ANHX: variants seen among roughly 807,000 people sequenced by gnomAD.
ANHX encodes anomalous homeobox.
ANHX carries 20 observed loss-of-function variants against 38.9 expected under a neutral mutation model. The observed-to-expected ratio is 0.51, with a 90% CI of 0.36 to 0.75. ANHX has a LOEUF of 0.75. Among genes scored for constraint, ANHX ranks in the 30% least tolerant of loss-of-function variants. The pLI is 0.00. For missense variants in ANHX, 475 were observed against 493.1 expected, an observed-to-expected ratio of 0.96 and a Z score of 0.35; for synonymous variants, 185 against 203.1, an observed-to-expected ratio of 0.91 and a Z score of 0.76.
intron 2 of ANHX, 136 bp downstream of exon 2, chr12:133,233,972 C>T (rs970911592): frequency 7.6e-6 from 9 of 1,179,836 alleles, no homozygotes; most frequent in Middle Eastern, 2.9e-4. Flanking sequence ...CAGGTTTTTC[C>T]AAGGCCTGGG....
Position 133,218,577 on chromosome 12 carries a change from A to C in ANHX, c.*308T>G. 4.5e-6 allele frequency: 1 copy of C among 222,296 alleles called. No individual in the cohort carries two copies. 13.8% of individuals were successfully genotyped at this position (222,296 alleles called of 1,614,324 possible). A position where few individuals can be genotyped will look rare whatever the true frequency, so the allele number is the denominator to read the frequency against. ...CCAGCAGCAGAACACTCCCCTCTCT[A>C]GAATGGCCTTCTCTGCACGAGTGCC... is the stretch of plus-strand genomic sequence containing the variant. On this transcript the variant is annotated 3_prime_UTR_variant, in exon 10 of 10. Transcript: ENST00000545940.
Position 133,221,399 on chromosome 12 carries a change from G to C in ANHX, c.1133-47C>G. On this transcript the variant is annotated intron_variant, in intron 7 of 9. Coordinates refer to ENST00000545940, the MANE Select transcript of ANHX (RefSeq NM_001372060.1). This position sits in a 1 kb window ranked among gnomAD's most constrained non-coding sequence, Gnocchi z 4.1. ...GGCACACTGGCAGGAGAAAGGAGCA[G>C]AGCCCACGTGTGACACAACCAAGAC... 7 of 1,503,300 alleles carry C rather than the reference G, an allele frequency of 4.7e-6. No homozygotes were observed. Among genetic ancestry groups the C allele is most frequent in the Non-Finnish European group, 6.2e-6 (7 of 1,128,984 alleles). The allele number at this position is 1,503,300 out of a possible 1,614,324, so 93.1% of individuals were successfully genotyped here.
chr12:133,228,846 C>A (rs187482601), intron 3 of ANHX, among the ~76,000 whole-genome samples: 1 of 152,338 alleles, frequency 6.6e-6, no homozygotes, highest in East Asian at 1.9e-4. Context: ...TCCCATGAGT[C>A]TGCTCCAGTT....
chr12:133,219,324 CAG>C lies in ANHX; in HGVS notation c.1322_1323del (p.Pro441ArgfsTer19). The C allele has an allele frequency of 6.5e-7, 1 of 1,535,344 alleles. No homozygotes were observed. The highest frequency in any genetic ancestry group is 1.2e-5 in the South Asian group (1 of 83,992). On this transcript the variant is annotated frameshift_variant, in exon 9 of 10. Coordinates refer to ENST00000545940, the MANE Select transcript of ANHX (RefSeq NM_001372060.1). LOFTEE classifies it low-confidence loss of function (END_TRUNC). Reference sequence around the variant, plus strand: ...GCCTGGCTCAGCTCCATGGCAGACACAGGGCCGGGGAAGGCAGATGGGGCTGG... The same window carrying C: ...GCCTGGCTCAGCTCCATGGCAGACACGGCCGGGGAAGGCAGATGGGGCTGG... ...LAPAPSAFPGPVSAMELSQAL... is the reference protein window; with the variant it reads ...LAPAPSAFPGXVSAMELSQAL...
chr12:133,225,096 A>G (rs1957172002), intron 7 of ANHX, among the ~76,000 whole-genome samples: 2 of 152,182 alleles, frequency 1.3e-5, no homozygotes, highest in South Asian at 2.1e-4. Context: ...ATCTAAATAC[A>G]TACTCTTTAA....
chr12:133,220,941 G>A (rs910698720), intron 8 of ANHX, among the ~76,000 whole-genome samples: 2 of 152,230 alleles, frequency 1.3e-5, no homozygotes, highest in Admixed American at 6.5e-5. Flanking sequence ...CTGGGGTCCA[G>A]GGTGATTTGG....
intron 3 of ANHX, 117 bp downstream of exon 3, chr12:133,231,400 A>C: frequency 7.2e-7 from 1 of 1,398,440 alleles, no homozygotes; most frequent in Non-Finnish European, 9.6e-7. Flanking sequence ...TCCGGCGGAC[A>C]TTTCCTGTCC....
intron 6 of ANHX, among the ~76,000 whole-genome samples, chr12:133,226,050 C>G (rs947572022): frequency 7.9e-5 from 12 of 152,188 alleles, no homozygotes; most frequent in Admixed American, 6.5e-4. Flanking sequence ...GTGTTTCCTT[C>G]TAAGTCTGTT....
Position 133,226,996 on chromosome 12 carries a change from G to C in ANHX, c.658C>G (p.Leu220Val). 6.5e-7 allele frequency: 1 copy of C among 1,535,002 alleles called. No individual in the cohort carries two copies. The change falls in exon 5 of 10, where the codon CTG (leucine) becomes GTG (valine). Residue 220 changes from leucine (L) to valine (V), a missense_variant. Leu to Val is a conservative substitution (Grantham distance 32). Transcript: ENST00000545940. ...ACACGGGGGTTGCCTGAGGGCTGCA[G>C]GAGGTCAGGACCCCTCTCCCTCGCA... is the stretch of plus-strand genomic sequence containing the variant. The part of the protein sequence containing the change: ...PGARERGPDL[L>V]QPSGNPRVDS...
At chr12:133,224,961 T>C (rs2135557504) in intron 7 of ANHX, among the ~76,000 whole-genome samples, 1 of 96,298 alleles carries the variant, frequency 1.0e-5, no homozygotes, top group African/African-American at 4.1e-5. Flanking sequence ...AGACTCCGTC[T>C]CAAAAAAAAA....
At chr12:133,234,842 C>G (rs1957341100) in intron 1 of ANHX, 1 of 163,028 alleles carries the variant, frequency 6.1e-6, no homozygotes, top group Non-Finnish European at 1.4e-5. Context: ...ACAGGAGGAA[C>G]CTTTACTTGT....
intron 1 of ANHX, chr12:133,235,238 G>C (rs1339915640): frequency 6.6e-6 from 1 of 152,254 alleles, no homozygotes; most frequent in Non-Finnish European, 1.5e-5. Context: ...GCCTGCAGGG[G>C]CCTTGGAGGA....
At position 133,227,096 on chromosome 12, in the gene ANHX, G is replaced by A. The variant is rs952112164; in HGVS notation, c.558C>T (p.Ala186=). The change falls in exon 5 of 10, where the codon GCC becomes GCT. Residue 186 remains alanine, a synonymous_variant. Coordinates refer to ENST00000545940, the MANE Select transcript of ANHX (RefSeq NM_001372060.1). The part of the protein sequence containing the change: ...LTPEQVYNWF[A]NYRRRQRALP... Reference sequence around the variant, plus strand: ...GGGCTCTTTGGCGGCGCCGGTAATTGGCAAACCAGTTGTACACCTGCTCAG... The same window carrying A: ...GGGCTCTTTGGCGGCGCCGGTAATTAGCAAACCAGTTGTACACCTGCTCAG... The A allele has an allele frequency of 6.5e-7, 1 of 1,536,090 alleles. No individual in the cohort carries two copies. Among genetic ancestry groups the A allele is most frequent in the Non-Finnish European group, 8.7e-7 (1 of 1,146,866 alleles).
Position 133,218,532 on chromosome 12 carries a change from A to G in ANHX, c.*353T>C, listed in dbSNP as rs1005645503. The G allele has an allele frequency of 1.1e-5, 2 of 177,946 alleles. No individual in the cohort carries two copies. The highest frequency in any genetic ancestry group is 2.3e-5 in the Non-Finnish European group (2 of 85,304). The allele number at this position is 177,946 out of a possible 1,614,324, so 11.0% of individuals were successfully genotyped here. A position where few individuals can be genotyped will look rare whatever the true frequency, so the allele number is the denominator to read the frequency against. On this transcript the variant is annotated 3_prime_UTR_variant, in exon 10 of 10. Transcript: ENST00000545940. ...TTGGTGGAAAAGTCTGGCTGTGTGC[A>G]CGGGCAGACGGCAAGGCAGCCAGCA...
chr12:133,221,489 C>T lies in ANHX; in HGVS notation c.1133-137G>A, dbSNP rs191170935. ...GCCCGCGCCACGTGAACCAGACTCACGGTCCCTGGGCCTCAGTCTCCCTCT... is the reference window on the plus strand; with the variant it reads ...GCCCGCGCCACGTGAACCAGACTCATGGTCCCTGGGCCTCAGTCTCCCTCT... On this transcript the variant is annotated intron_variant, in intron 7 of 9. Coordinates refer to ENST00000545940, the MANE Select transcript of ANHX (RefSeq NM_001372060.1). This position sits in a 1 kb window ranked among gnomAD's most constrained non-coding sequence, Gnocchi z 4.1. Among the ~76,000 whole-genome samples, 208 of 152,338 alleles carry T rather than the reference C, an allele frequency of 1.4e-3. 4 individuals are homozygous for T. The highest frequency in any genetic ancestry group is 8.1e-4 in the Non-Finnish European group (55 of 68,024).
rs141829018 is a variant in ANHX, at chr12:133,219,257, C to T, written c.1365+26G>A. 3.9e-6 allele frequency: 6 copies of T among 1,520,974 alleles called. No homozygotes were observed. The East Asian group carries it at 7.4e-5, about 19-fold the overall frequency. The allele number at this position is 1,520,974 out of a possible 1,614,324, so 94.2% of individuals were successfully genotyped here. ...CAGATCCAGGAGTAAAGAGGGAATC[C>T]TTCAGTGCTCATAGGGAAGCCTCAC... On this transcript the variant is annotated intron_variant, in intron 9 of 9. Coordinates refer to ENST00000545940, the MANE Select transcript of ANHX (RefSeq NM_001372060.1).
chr12:133,232,890 G>A (rs1053346493), intron 2 of ANHX, among the ~76,000 whole-genome samples: 1 of 152,130 alleles, frequency 6.6e-6, no homozygotes, highest in African/African-American at 2.4e-5. Flanking sequence ...CTGCCTCATG[G>A]ACCTTCAGTG....
chr12:133,227,192 C>T (rs1957201889), intron 4 of ANHX, 40 bp from the exon 5 acceptor site: 5 of 1,510,502 alleles, frequency 3.3e-6, no homozygotes, highest in Non-Finnish European at 4.4e-6. Flanking sequence ...TGCTTCCATT[C>T]CCTGAGGACA....
Position 133,231,655 on chromosome 12 carries a change from G to C in ANHX, c.250-11C>G, listed in dbSNP as rs921892557. 7 of 1,535,788 alleles carry C rather than the reference G, an allele frequency of 4.6e-6. No homozygotes were observed. Among genetic ancestry groups the C allele is most frequent in the African/African-American group, 1.4e-5 (1 of 73,040 alleles). ...CGGCACCTGGCACCCCTGCCAAGAAGAGTGTACTGAGCCCTGGCCACCTGC... is the reference window on the plus strand; with the variant it reads ...CGGCACCTGGCACCCCTGCCAAGAACAGTGTACTGAGCCCTGGCCACCTGC... On this transcript the variant is annotated splice_polypyrimidine_tract_variant and intron_variant, in intron 2 of 9. Coordinates refer to ENST00000545940, the MANE Select transcript of ANHX (RefSeq NM_001372060.1).
Sources: gnomAD v4.1 joint callset for allele counts (sites outside exome capture counted in the v4.1 genomes callset) on GRCh38, gnomAD v4.1.1 for gene constraint, Gnocchi (gnomAD v3.1) non-coding constraint, MANE v1.5 for transcripts, NCBI Gene and HGNC (gene_info 2026-07-23, HGNC 2026-07-21) for gene names.